Variants in PLXNA2 observed in about 807,000 individuals in gnomAD.
PLXNA2 encodes plexin-A2.
A neutral mutation model predicts 193.5 loss-of-function variants in PLXNA2; 91 were observed. The observed-to-expected ratio is 0.47, with a 90% CI of 0.40 to 0.56. The LOEUF (loss-of-function observed/expected upper bound fraction) is 0.56. Among genes scored for constraint, PLXNA2 ranks in the 20% least tolerant of loss-of-function variants. PLXNA2 has a pLI of 0.00. For missense variants in PLXNA2, 1,995 were observed against 2,503.2 expected, an observed-to-expected ratio of 0.80 and a Z score of 4.33; for synonymous variants, 997 against 1,027.3, an observed-to-expected ratio of 0.97 and a Z score of 0.56.
rs1664265231 is a variant in PLXNA2, at chr1:208,023,939, T to G, written c.*3304A>C. On this transcript the variant is annotated 3_prime_UTR_variant, in exon 32 of 32. Transcript: ENST00000367033. Reference sequence around the variant, plus strand: ...GAACTCTGTAAAGAGGGGAACCCTCTGCCAATGGGGGATCAAAATGGTTTT... The same window carrying G: ...GAACTCTGTAAAGAGGGGAACCCTCGGCCAATGGGGGATCAAAATGGTTTT... The G allele has an allele frequency of 6.6e-6, 1 of 152,264 alleles. No individual in the cohort carries two copies. Among genetic ancestry groups the G allele is most frequent in the South Asian group, 2.1e-4 (1 of 4,832 alleles). The allele number at this position is 152,264 out of a possible 1,614,324, so 9.4% of individuals were successfully genotyped here.
At chr1:208,185,057 C>A (rs918584792) in intron 3 of PLXNA2, among the ~76,000 whole-genome samples, 5 of 152,106 alleles carry the variant, frequency 3.3e-5, no homozygotes, top group African/African-American at 1.2e-4. Flanking sequence ...TGGCATTGGC[C>A]CATAAGGAAT....
rs765583736 is a variant in PLXNA2, at chr1:208,217,128, A to T, written c.795T>A (p.Gly265=). The change falls in exon 2 of 32, where the codon GGT becomes GGA. Residue 265 remains glycine, a synonymous_variant. Transcript: ENST00000367033. This position sits in a 1 kb window ranked among gnomAD's most constrained non-coding sequence, Gnocchi z 4.7. Reference sequence around the variant, plus strand: ...GGTCTCCAGCGGAGTTGATGGCCACACCCTCAGGGGTCTCGGGCTGGACAG... The same window carrying T: ...GGTCTCCAGCGGAGTTGATGGCCACTCCCTCAGGGGTCTCGGGCTGGACAG... The part of the protein sequence containing the change: ...FLTVQPETPE[G]VAINSAGDLF... 1.9e-6 allele frequency: 3 copies of T among 1,613,986 alleles called. No homozygotes were observed. Among genetic ancestry groups the T allele is most frequent in the Admixed American group, 1.7e-5 (1 of 60,006 alleles).
At chr1:208,195,188 G>T (rs1428097870) in intron 3 of PLXNA2, among the ~76,000 whole-genome samples, 3 of 152,200 alleles carry the variant, frequency 2.0e-5, no homozygotes, top group East Asian at 3.8e-4. Flanking sequence ...TAGTAATCTA[G>T]GTAGCAGCAT....
At chr1:208,062,771 G>A (rs1253783134) in intron 12 of PLXNA2, among the ~76,000 whole-genome samples, 1 of 152,146 alleles carries the variant, frequency 6.6e-6, no homozygotes, top group African/African-American at 2.4e-5. Context: ...GGACAACTTG[G>A]AGAGGAAGGA....
chr1:208,223,711 G>A (rs143801007), intron 1 of PLXNA2, among the ~76,000 whole-genome samples: 2 of 152,316 alleles, frequency 1.3e-5, no homozygotes, highest in African/African-American at 4.8e-5. Flanking sequence ...CCCACGGACA[G>A]GTCAGATTTA....
At chr1:208,192,668 C>T (rs1670219678) in intron 3 of PLXNA2, among the ~76,000 whole-genome samples, 1 of 151,972 alleles carries the variant, frequency 6.6e-6, no homozygotes, top group Admixed American at 6.6e-5. Context: ...GGGCAGATCA[C>T]TTAAGGTCAG....
At chr1:208,173,363 T>C (rs767977421) in intron 3 of PLXNA2, among the ~76,000 whole-genome samples, 5 of 152,254 alleles carry the variant, frequency 3.3e-5, no homozygotes, top group Non-Finnish European at 7.3e-5. Flanking sequence ...GAGCCCCGTT[T>C]AGATTTCAGA....
At chr1:208,212,941 G>A (rs552448950) in intron 2 of PLXNA2, among the ~76,000 whole-genome samples, 30 of 152,316 alleles carry the variant, frequency 2.0e-4, no homozygotes, top group African/African-American at 7.2e-4. Context: ...CATCTGTAAA[G>A]TAAAAGTATT....
intron 9 of PLXNA2, among the ~76,000 whole-genome samples, chr1:208,090,867 C>T (rs1156346361): frequency 6.6e-6 from 1 of 152,222 alleles, no homozygotes; most frequent in Non-Finnish European, 1.5e-5. Context: ...GCCCAGGCCT[C>T]CCATGGTGGC....
At chr1:208,077,772 G>A (rs534518501) in intron 12 of PLXNA2, among the ~76,000 whole-genome samples, 1 of 152,308 alleles carries the variant, frequency 6.6e-6, no homozygotes, top group Non-Finnish European at 1.5e-5. Flanking sequence ...ACAGGAGAAA[G>A]TCAGGAGGCA....
chr1:208,142,364 C>T lies in PLXNA2; in HGVS notation c.1471G>A (p.Asp491Asn), dbSNP rs267598347. ...PILRDMAFSI[D>N]QRYLYVMSER... ...GACATGACGTACAGGTAGCGCTGAT[C>T]AATGGAGAAGGCCATGTCCCGGAGG... Residue 491 changes from aspartate (D) to asparagine (N), a missense_variant, in exon 4 of 32, where the codon GAT (aspartate) becomes AAT (asparagine). This residue lies in a region of PLXNA2 where 702 missense variants were observed against 812.9 expected (regional missense o/e 0.86). Coordinates refer to ENST00000367033, the MANE Select transcript of PLXNA2 (RefSeq NM_025179.4). The T allele has an allele frequency of 1.9e-6, 3 of 1,613,580 alleles. No individual in the cohort carries two copies. Among genetic ancestry groups the T allele is most frequent in the South Asian group, 2.2e-5 (2 of 91,000 alleles).
chr1:208,055,842 T>A (rs1665413587), intron 13 of PLXNA2, among the ~76,000 whole-genome samples: 1 of 152,226 alleles, frequency 6.6e-6, no homozygotes, highest in Non-Finnish European at 1.5e-5. Context: ...CCCAAATAAC[T>A]ACTTTCACTC....
chr1:208,190,522 T>C (rs913958750), intron 3 of PLXNA2, among the ~76,000 whole-genome samples: 1 of 152,230 alleles, frequency 6.6e-6, no homozygotes, highest in Non-Finnish European at 1.5e-5. Context: ...GTTGGTTGCC[T>C]TGATCAGGGT....
At chr1:208,127,842 C>T (rs1005592502) in intron 4 of PLXNA2, among the ~76,000 whole-genome samples, 1 of 152,196 alleles carries the variant, frequency 6.6e-6, no homozygotes, top group Non-Finnish European at 1.5e-5. Flanking sequence ...AGGAGAGAAT[C>T]TGCAGTAGAA....
intron 12 of PLXNA2, among the ~76,000 whole-genome samples, chr1:208,077,949 G>A (rs982359031): frequency 6.6e-6 from 1 of 152,134 alleles, no homozygotes; most frequent in Non-Finnish European, 1.5e-5. Context: ...GGTGTCTTGT[G>A]GATGGATTGC....
At chr1:208,056,969 A>G (rs1320615612) in intron 13 of PLXNA2, among the ~76,000 whole-genome samples, 1 of 152,198 alleles carries the variant, frequency 6.6e-6, no homozygotes, top group East Asian at 1.9e-4. Context: ...CAGTGCCTGC[A>G]GGCCAGGGTG....
chr1:208,174,123 T>A (rs1442018126), intron 3 of PLXNA2, among the ~76,000 whole-genome samples: 1 of 152,224 alleles, frequency 6.6e-6, no homozygotes, highest in Non-Finnish European at 1.5e-5. Context: ...AATCTCTGAG[T>A]CATGACGTGA....
intron 3 of PLXNA2, among the ~76,000 whole-genome samples, chr1:208,162,614 G>C (rs1669166535): frequency 6.6e-6 from 1 of 152,166 alleles, no homozygotes; most frequent in South Asian, 2.1e-4. Context: ...TCACAATCAG[G>C]CAAGGAAGGC....
At chr1:208,094,245 G>A (rs371203519) in intron 8 of PLXNA2, among the ~76,000 whole-genome samples, 2 of 152,164 alleles carry the variant, frequency 1.3e-5, no homozygotes, top group Admixed American at 6.5e-5. Flanking sequence ...TGGCTCTTCC[G>A]CTGGCTACTT....
Sources: allele counts gnomAD v4.1 joint callset (sites outside exome capture counted in the v4.1 genomes callset), GRCh38; gene constraint gnomAD v4.1.1; regional missense constraint gnomAD v4.1.1; non-coding constraint Gnocchi (gnomAD v3.1); transcripts MANE v1.5; gene names NCBI Gene and HGNC (gene_info 2026-07-23, HGNC 2026-07-21).